SSX2IP: variants seen among roughly 807,000 people sequenced by gnomAD.
The protein encoded by SSX2IP is SSX family member 2 interacting protein.
A neutral mutation model predicts 84.9 loss-of-function variants in SSX2IP; 55 were observed. The observed-to-expected ratio is 0.65, with a 90% CI of 0.52 to 0.81. The LOEUF (loss-of-function observed/expected upper bound fraction) is 0.81, where lower values mean the gene tolerates loss of function less well. SSX2IP is among the 30% of genes least tolerant of loss of function. SSX2IP has a pLI of 0.00. For synonymous variants in SSX2IP, 239 were observed against 234.7 expected (o/e 1.02, Z -0.17); for missense variants, 664 against 705.2 (o/e 0.94, Z 0.66).
rs565743793 is a variant in SSX2IP at position 84,664,407 on chromosome 1, A to T, written c.673+10T>A. ...TTTATTCTCTTAGCTGATCTTTGCC[A>T]GCTGTTTACCTATTTTCTTATCTTT... is the stretch of plus-strand genomic sequence containing the variant. On this transcript the variant is annotated intron_variant, in intron 6 of 13. Coordinates refer to ENST00000342203, the MANE Select transcript of SSX2IP (RefSeq NM_001166293.2). 18 of 1,568,120 alleles carry T rather than the reference A, an allele frequency of 1.1e-5. No homozygotes were observed. The South Asian group carries it at 1.7e-4, about 15-fold the overall frequency.
intron 5 of SSX2IP, among the ~76,000 whole-genome samples, chr1:84,665,872 G>A (rs1652709783): frequency 6.6e-6 from 1 of 152,150 alleles, no homozygotes; most frequent in South Asian, 2.1e-4. Flanking sequence ...GGGCAGTCCA[G>A]GACACTGGCT....
intron 11 of SSX2IP, among the ~76,000 whole-genome samples, chr1:84,653,813 ATGG>A (rs1158116356): frequency 2.0e-5 from 3 of 152,252 alleles, no homozygotes; most frequent in Non-Finnish European, 4.4e-5. Context: ...AAAACTGACC[ATGG>A]ATAAGAGATA....
At position 84,670,757 on chromosome 1, in the gene SSX2IP, G is replaced by A. The variant is rs41309207; in HGVS notation, c.102C>T (p.Tyr34=). The A allele has an allele frequency of 1.1e-4, 174 of 1,612,974 alleles. No homozygotes were observed. Among genetic ancestry groups the A allele is most frequent in the Non-Finnish European group, 1.4e-4 (170 of 1,179,332 alleles). Residue 34 remains tyrosine, a synonymous_variant, in exon 3 of 14, where the codon TAC becomes TAT. Coordinates refer to ENST00000342203, the MANE Select transcript of SSX2IP (RefSeq NM_001166293.2). The stretch of plus-strand genomic sequence containing the variant: ...TTGAAGAACATAGCACTTGCTGTGA[G>A]TATAAACTTGATGGAGACATCTTTG... ...SETKMSPSSL[Y]SQQVLCSSIP...
chr1:84,656,107 T>G, intron 10 of SSX2IP, 102 bp from the exon 11 acceptor site: 9 of 1,119,718 alleles, frequency 8.0e-6, no homozygotes, highest in South Asian at 1.6e-5. Context: ...AGGGCAGGAA[T>G]AGAAATTATT....
In SSX2IP at chr1:84,669,691, G is replaced by A. The variant is rs760234639; in HGVS notation, c.416C>T (p.Ser139Leu). ...SDMDHLQSCY[S>L]KLKEQLETSR... is the part of the protein sequence containing the mutation. ...ATCTGCAATTTCTACCTTAAGTTTT[G>A]AGTAGCAGCTCTGTAGATGGTCCAT... Residue 139 changes from serine (S) to leucine (L), a missense_variant, in exon 4 of 14, where the codon TCA becomes TTA. Ser to Leu is a moderately radical substitution (Grantham distance 145, BLOSUM62 -2). Transcript: ENST00000342203. 2 of 1,613,042 alleles carry A rather than the reference G, an allele frequency of 1.2e-6. No individual in the cohort carries two copies. Among genetic ancestry groups the A allele is most frequent in the Admixed American group, 1.7e-5 (1 of 59,960 alleles).
rs1299231478 is a variant in SSX2IP at position 84,646,368 on chromosome 1, G to A, written c.*1065C>T. ...GAAAATGAAATGACATGTTTTTCCA[G>A]AGTATCATCTCAATTATAAAATTTG... On this transcript the variant is annotated 3_prime_UTR_variant, in exon 14 of 14. Coordinates refer to ENST00000342203, the MANE Select transcript of SSX2IP (RefSeq NM_001166293.2). 6.6e-6 allele frequency: 1 copy of A among 152,534 alleles called. No homozygotes were observed. Among genetic ancestry groups the A allele is most frequent in the East Asian group, 1.9e-4 (1 of 5,198 alleles). 9.4% of individuals were successfully genotyped at this position (152,534 alleles called of 1,614,324 possible).
chr1:84,647,707 A>T, intron 13 of SSX2IP, 100 bp from the exon 14 acceptor site: 1 of 990,024 alleles, frequency 1.0e-6, no homozygotes, highest in East Asian at 3.0e-5. Flanking sequence ...AGTTCCTTTT[A>T]ATTCTAAAAA....
intron 1 of SSX2IP, among the ~76,000 whole-genome samples, chr1:84,688,540 G>A (rs1022797971): frequency 1.3e-5 from 2 of 152,126 alleles, no homozygotes; most frequent in Non-Finnish European, 2.9e-5. Flanking sequence ...GCACTCAAAC[G>A]CCTACTTTAT....
chr1:84,663,012 G>A (rs567074923), intron 6 of SSX2IP, among the ~76,000 whole-genome samples: 78 of 152,162 alleles, frequency 5.1e-4, no homozygotes, highest in Non-Finnish European at 9.9e-4. Context: ...TTGTTACAAT[G>A]GCAGAGATAA....
chr1:84,681,286 G>C (rs1364746579), intron 1 of SSX2IP, among the ~76,000 whole-genome samples: 1 of 152,188 alleles, frequency 6.6e-6, no homozygotes, highest in Non-Finnish European at 1.5e-5. Flanking sequence ...CAAAAAACTA[G>C]AGACAATCTT....
rs1307708516 is a variant in SSX2IP at position 84,656,004 on chromosome 1, T to C, written c.1217A>G (p.Gln406Arg). The part of the protein sequence containing the change: ...MIKTQQQLLQ[Q>R]QLATAYDDDT... The stretch of plus-strand genomic sequence containing the variant: ...ATCATCATATGCAGTAGCGAGCTGC[T>C]GCTATTAAAATTTAAAACATAGTAA... Residue 406 changes from glutamine (Q) to arginine (R), a missense_variant and splice_region_variant, in exon 11 of 14, where the codon CAG becomes CGG. Gln to Arg is a conservative substitution (Grantham distance 43). Coordinates refer to ENST00000342203, the MANE Select transcript of SSX2IP (RefSeq NM_001166293.2). 8 of 1,608,188 alleles carry C rather than the reference T, an allele frequency of 5.0e-6. No homozygotes were observed. The highest frequency in any genetic ancestry group is 6.8e-6 in the Non-Finnish European group (8 of 1,178,270).
chr1:84,688,309 C>A (rs141471560), intron 1 of SSX2IP, among the ~76,000 whole-genome samples: 2 of 152,276 alleles, frequency 1.3e-5, no homozygotes, highest in African/African-American at 4.8e-5. Context: ...ATTACCAAAG[C>A]CACAAAACAA....
chr1:84,676,342 A>G (rs1024439662), intron 1 of SSX2IP, among the ~76,000 whole-genome samples: 2 of 152,190 alleles, frequency 1.3e-5, no homozygotes, highest in Non-Finnish European at 2.9e-5. Flanking sequence ...CTCAACATAG[A>G]TTCCAATCAA....
chr1:84,669,631 G>C (rs1456091924), intron 4 of SSX2IP, 50 bp downstream of exon 4: 5 of 1,414,304 alleles, frequency 3.5e-6, no homozygotes, highest in East Asian at 2.3e-5. Context: ...AAAATTTATA[G>C]TACTCAATTA....
At chr1:84,653,662 G>A (rs944063828) in intron 11 of SSX2IP, among the ~76,000 whole-genome samples, 3 of 152,286 alleles carry the variant, frequency 2.0e-5, no homozygotes, top group East Asian at 1.9e-4. Flanking sequence ...TGAAACAGAC[G>A]TTCACACTGT....
chr1:84,683,179 T>C (rs1167823326), intron 1 of SSX2IP, among the ~76,000 whole-genome samples: 3 of 152,012 alleles, frequency 2.0e-5, no homozygotes, highest in Non-Finnish European at 2.9e-5. Context: ...TTGGGATACA[T>C]GTGCAGAACG....
Position 84,664,542 on chromosome 1 carries a change from A to C in SSX2IP, c.548T>G (p.Leu183Ter). ...LKNEKDEVQK[L>*]QNIIASRATQ... is the part of the protein sequence containing the mutation. Reference sequence around the variant, plus strand: ...AGCTCGACTTGCAATGATATTTTGTAATTTTTGCACCTGAAAAAGGCATTT... The same window carrying C: ...AGCTCGACTTGCAATGATATTTTGTCATTTTTGCACCTGAAAAAGGCATTT... Residue 183 changes from leucine (L) to a stop codon, truncating the protein, a stop_gained, in exon 6 of 14, where the codon TTA becomes TGA. Transcript: ENST00000342203. LOFTEE classifies it high-confidence loss of function. 6.4e-7 allele frequency: 1 copy of C among 1,573,736 alleles called. No homozygotes were observed. The highest frequency in any genetic ancestry group is 2.4e-5 in the East Asian group (1 of 42,372).
chr1:84,677,014 C>CA, intron 1 of SSX2IP, among the ~76,000 whole-genome samples: 1 of 151,972 alleles, frequency 6.6e-6, no homozygotes, highest in East Asian at 1.9e-4. Flanking sequence ...CATGCCCAGT[C>CA]AACTCTGTGC....
At chr1:84,673,907 T>C (rs545678118) in intron 1 of SSX2IP, among the ~76,000 whole-genome samples, 1 of 152,322 alleles carries the variant, frequency 6.6e-6, no homozygotes, top group South Asian at 2.1e-4. Flanking sequence ...TTGCCACTTT[T>C]CTACTCATGT....
Sources: gnomAD v4.1 joint callset for allele counts (sites outside exome capture counted in the v4.1 genomes callset) on GRCh38, gnomAD v4.1.1 for gene constraint, MANE v1.5 for transcripts, NCBI Gene and HGNC (gene_info 2026-07-23, HGNC 2026-07-21) for gene names.